The following CNTNAP2 variants were observed in gnomAD, a reference collection of about 807,000 sequenced individuals.
CNTNAP2 encodes the protein contactin associated protein 2, also known as contactin-associated protein-like 2.
Under a neutral mutation model 155.2 loss-of-function variants are expected in CNTNAP2, and 98 were observed. That is an observed-to-expected ratio of 0.63 (90% CI 0.54 to 0.75). The LOEUF is 0.75. CNTNAP2 is among the 30% of genes least tolerant of loss of function. The probability of loss-of-function intolerance (pLI) is 0.00; values close to 1 mark genes in which losing one functional copy is unlikely to be tolerated. For missense variants in CNTNAP2, 1,727 were observed against 1,688.1 expected (o/e 1.02, Z -0.40); for synonymous variants, 651 against 631.2 (o/e 1.03, Z -0.47).
intron 13 of CNTNAP2, among the ~76,000 whole-genome samples, chr7:147,700,989 G>A (rs1796228842): frequency 2.0e-5 from 3 of 152,186 alleles, no homozygotes; most frequent in Admixed American, 2.0e-4. Flanking sequence ...TAAGAGGATG[G>A]ATGGCATTTA....
intron 15 of CNTNAP2, among the ~76,000 whole-genome samples, chr7:148,113,992 G>A (rs888296684): frequency 3.3e-5 from 5 of 152,086 alleles, no homozygotes; most frequent in Admixed American, 1.3e-4. Context: ...ATCCGTGCTG[G>A]CCTGGTCCCT....
At chr7:146,352,023 C>T (rs1216671521) in intron 1 of CNTNAP2, among the ~76,000 whole-genome samples, 1 of 152,120 alleles carries the variant, frequency 6.6e-6, no homozygotes, top group African/African-American at 2.4e-5. Flanking sequence ...AAGAAGACTT[C>T]AAGGGTTAAG....
chr7:147,569,771 C>G (rs374815664), intron 12 of CNTNAP2, among the ~76,000 whole-genome samples: 1 of 152,322 alleles, frequency 6.6e-6, no homozygotes, highest in South Asian at 2.1e-4. Context: ...TAGCAGTTTA[C>G]AGTAATACAA....
intron 1 of CNTNAP2, among the ~76,000 whole-genome samples, chr7:146,641,252 A>ATGG (rs1799701787): frequency 6.6e-6 from 1 of 152,154 alleles, no homozygotes; most frequent in Non-Finnish European, 1.5e-5. Context: ...GCGTGAACCC[A>ATGG]GAGGCGGAGC....
intron 1 of CNTNAP2, among the ~76,000 whole-genome samples, chr7:146,760,098 A>C (rs1802064902): frequency 6.6e-6 from 1 of 152,166 alleles, no homozygotes; most frequent in African/African-American, 2.4e-5. Flanking sequence ...TTTAGTCAAA[A>C]ACATGAGTTC....
intron 20 of CNTNAP2, among the ~76,000 whole-genome samples, chr7:148,264,139 T>C (rs1270876538): frequency 6.6e-6 from 1 of 152,226 alleles, no homozygotes; most frequent in African/African-American, 2.4e-5. Context: ...AAATTTAATC[T>C]TTAAAACTGT....
At chr7:147,453,030 AAG>A (rs537899090) in intron 10 of CNTNAP2, among the ~76,000 whole-genome samples, 71 of 152,032 alleles carry the variant, frequency 4.7e-4, no homozygotes, top group African/African-American at 1.5e-3. Context: ...GAAAGGGAAA[AAG>A]AGAGAAAGGG....
intron 8 of CNTNAP2, among the ~76,000 whole-genome samples, chr7:147,179,126 T>C (rs773609790): frequency 2.0e-5 from 3 of 152,112 alleles, no homozygotes; most frequent in Non-Finnish European, 4.4e-5. Flanking sequence ...GTCTTAAGAG[T>C]CTTCTAGATT....
chr7:147,465,118 AAGAT>A (rs1388755395), intron 10 of CNTNAP2, among the ~76,000 whole-genome samples: 1 of 152,188 alleles, frequency 6.6e-6, no homozygotes, highest in African/African-American at 2.4e-5. Flanking sequence ...CGTGGACACA[AAGAT>A]AGAAAGAGTA....
At chr7:147,732,606 C>T (rs1299453396) in intron 13 of CNTNAP2, among the ~76,000 whole-genome samples, 3 of 151,514 alleles carry the variant, frequency 2.0e-5, no homozygotes, top group Admixed American at 6.6e-5. Context: ...CCTGAGGAAT[C>T]GCCACACTGA....
intron 13 of CNTNAP2, among the ~76,000 whole-genome samples, chr7:147,702,946 A>C (rs567393963): frequency 6.6e-6 from 1 of 152,270 alleles, no homozygotes; most frequent in African/African-American, 2.4e-5. Flanking sequence ...CGGTAAAACC[A>C]AGCAGTTCCT....
chr7:146,309,240 C>T lies in CNTNAP2; in HGVS notation c.97+192267C>T, dbSNP rs75499096. Among the ~76,000 whole-genome samples the T allele has an allele frequency of 6.6e-5, 10 of 152,178 alleles. No individual in the cohort carries two copies. In the East Asian group the frequency reaches 1.9e-3, roughly 30 times the overall value. Reference sequence around the variant, plus strand: ...GAGCGAGTCATTTTGAAGGATTTTGCTGGACTTTCAGAACGTGTGATTTGT... The same window carrying T: ...GAGCGAGTCATTTTGAAGGATTTTGTTGGACTTTCAGAACGTGTGATTTGT... On this transcript the variant is annotated intron_variant, in intron 1 of 23. Transcript: ENST00000361727.
intron 8 of CNTNAP2, among the ~76,000 whole-genome samples, chr7:147,273,055 G>A (rs1804794849): frequency 6.6e-6 from 1 of 152,014 alleles, no homozygotes; most frequent in African/African-American, 2.4e-5. Flanking sequence ...GACTAAGGAA[G>A]GGCATGGTGC....
At chr7:147,517,062 G>C (rs1044936978) in intron 11 of CNTNAP2, among the ~76,000 whole-genome samples, 1 of 151,218 alleles carries the variant, frequency 6.6e-6, no homozygotes, top group Non-Finnish European at 1.5e-5. Context: ...TAGAGACCAG[G>C]TTTCACCATG....
At chr7:147,353,876 G>C (rs1044859824) in intron 9 of CNTNAP2, among the ~76,000 whole-genome samples, 1 of 152,048 alleles carries the variant, frequency 6.6e-6, no homozygotes, top group Non-Finnish European at 1.5e-5. Context: ...GTTTTTATTT[G>C]CATTTCTCTG....
chr7:146,912,861 C>G (rs1796313527), intron 3 of CNTNAP2, among the ~76,000 whole-genome samples: 1 of 152,106 alleles, frequency 6.6e-6, no homozygotes, highest in Non-Finnish European at 1.5e-5. Flanking sequence ...TCTTTATTCT[C>G]TTAATCATTT....
At chr7:147,321,047 C>T (rs1385458997) in intron 9 of CNTNAP2, among the ~76,000 whole-genome samples, 1 of 152,190 alleles carries the variant, frequency 6.6e-6, no homozygotes. Context: ...ATAACCACAC[C>T]TAAACATCTG....
chr7:148,108,151 A>T (rs1804264148), intron 15 of CNTNAP2, among the ~76,000 whole-genome samples: 1 of 151,874 alleles, frequency 6.6e-6, no homozygotes, highest in South Asian at 2.1e-4. Context: ...ACTTCTCATC[A>T]CCTGTCTCTG....
chr7:148,415,380 C>G (rs754407125), intron 23 of CNTNAP2, 37 bp from the exon 24 acceptor site: 9 of 1,606,788 alleles, frequency 5.6e-6, no homozygotes, highest in Non-Finnish European at 6.8e-6. Context: ...ACTCCCAAGC[C>G]CTGTCTAACC....
Sources: allele counts gnomAD v4.1 joint callset (sites outside exome capture counted in the v4.1 genomes callset), GRCh38; gene constraint gnomAD v4.1.1; transcripts MANE v1.5; gene names NCBI Gene and HGNC (gene_info 2026-07-23, HGNC 2026-07-21).